MARCHF1: variants seen among roughly 807,000 people sequenced by gnomAD.
MARCHF1 encodes the protein E3 ubiquitin-protein ligase MARCHF1.
MARCHF1 carries 40 observed loss-of-function variants against 54.2 expected under a neutral mutation model. That is an observed-to-expected ratio of 0.74 (90% CI 0.57 to 0.96). MARCHF1 has a LOEUF of 0.96. Among genes scored for constraint, MARCHF1 ranks in the 40% least tolerant of loss-of-function variants. The pLI, the probability that MARCHF1 is intolerant of heterozygous loss-of-function variation, is 0.00. For missense variants in MARCHF1, 586 were observed against 656.5 expected, an observed-to-expected ratio of 0.89 and a Z score of 1.17; for synonymous variants, 236 against 236.3, an observed-to-expected ratio of 1.00 and a Z score of 0.01.
chr4:163,853,315 C>G (rs1749688987), intron 4 of MARCHF1, among the ~76,000 whole-genome samples: 1 of 152,108 alleles, frequency 6.6e-6, no homozygotes, highest in South Asian at 2.1e-4. Context: ...TAAAATATAT[C>G]TAATATTAGT....
intron 1 of MARCHF1, among the ~76,000 whole-genome samples, chr4:164,116,631 C>A (rs1755944602): frequency 6.6e-6 from 1 of 151,970 alleles, no homozygotes; most frequent in Admixed American, 6.6e-5. Context: ...ATTTTAAATT[C>A]TCAGCTTCTT....
At chr4:164,260,039 G>T (rs534561086) in intron 1 of MARCHF1, among the ~76,000 whole-genome samples, 1 of 152,020 alleles carries the variant, frequency 6.6e-6, no homozygotes, top group Non-Finnish European at 1.5e-5. Context: ...ACATATAACC[G>T]GGGTGAGAAT....
intron 5 of MARCHF1, among the ~76,000 whole-genome samples, chr4:163,632,285 G>C (rs1228301604): frequency 1.3e-5 from 2 of 152,206 alleles, no homozygotes; most frequent in African/African-American, 4.8e-5. Flanking sequence ...ACAGCTCCCA[G>C]CCTGAGCGAC....
chr4:163,809,204 A>G (rs529594154), intron 4 of MARCHF1, among the ~76,000 whole-genome samples: 394 of 152,312 alleles, frequency 2.6e-3, no homozygotes, highest in Admixed American at 4.6e-3. Context: ...ATTCCCTGGG[A>G]AGTTTTAAAC....
intron 4 of MARCHF1, among the ~76,000 whole-genome samples, chr4:163,739,889 T>A (rs1182060377): frequency 6.6e-6 from 1 of 152,186 alleles, no homozygotes; most frequent in Non-Finnish European, 1.5e-5. Context: ...ATTACACACC[T>A]TACAGTGGAG....
intron 4 of MARCHF1, among the ~76,000 whole-genome samples, chr4:163,720,297 T>A (rs1745403912): frequency 6.6e-6 from 1 of 152,230 alleles, no homozygotes; most frequent in Non-Finnish European, 1.5e-5. Context: ...CCTTTCCCCA[T>A]TTCTTGTTTT....
intron 3 of MARCHF1, among the ~76,000 whole-genome samples, chr4:163,931,820 C>A (rs1751684144): frequency 6.6e-6 from 1 of 152,192 alleles, no homozygotes. Context: ...CTCCCTCAGT[C>A]TACAGCACAC....
At chr4:164,109,912 TAA>T (rs57433858) in intron 2 of MARCHF1, among the ~76,000 whole-genome samples, 2 of 63,144 alleles carry the variant, frequency 3.2e-5, no homozygotes, top group Non-Finnish European at 5.4e-5. Context: ...AAAATAAAAG[TAA>T]AAAAAAAAAA....
In MARCHF1 at chr4:163,663,197, C is replaced by T. The variant is rs1022424346; in HGVS notation, c.162+37616G>A. On this transcript the variant is annotated intron_variant, in intron 5 of 9. Transcript: ENST00000514618. Reference sequence around the variant, plus strand: ...TATTTTTTCCTAGTGGATGCTTACACAGAGACTATAGTATTTTAAATCATC... The same window carrying T: ...TATTTTTTCCTAGTGGATGCTTACATAGAGACTATAGTATTTTAAATCATC... Among the ~76,000 whole-genome samples the T allele has an allele frequency of 5.3e-5, 8 of 151,160 alleles. No individual in the cohort carries two copies. In the East Asian group the frequency reaches 1.6e-3, roughly 29 times the overall value.
rs750136258 is a variant in MARCHF1 at position 163,613,047 on chromosome 4, AGC to A, written c.243-11_243-10del. 6.8e-7 allele frequency: 1 copy of A among 1,465,822 alleles called. No individual in the cohort carries two copies. Among genetic ancestry groups the A allele is most frequent in the South Asian group, 1.4e-5 (1 of 70,660 alleles). 90.8% of individuals were successfully genotyped at this position (1,465,822 alleles called of 1,614,324 possible). A position where few individuals can be genotyped will look rare whatever the true frequency, so the allele number is the denominator to read the frequency against. On this transcript the variant is annotated splice_polypyrimidine_tract_variant and intron_variant, in intron 6 of 9. Coordinates refer to ENST00000514618, the MANE Select transcript of MARCHF1 (RefSeq NM_001394959.1). ...CATGCAAGATGGCAGATCTAGACAG[AGC>A]AGCAGGCAAAGGATGGGAAATGGGA... is the stretch of plus-strand genomic sequence containing the variant.
At chr4:164,342,208 T>C (rs1362128191) in intron 1 of MARCHF1, among the ~76,000 whole-genome samples, 2 of 152,178 alleles carry the variant, frequency 1.3e-5, no homozygotes, top group Non-Finnish European at 2.9e-5. Flanking sequence ...TAAAAGATGT[T>C]CAACATCACT....
chr4:163,927,877 G>A (rs191479931), intron 3 of MARCHF1, among the ~76,000 whole-genome samples: 7 of 151,896 alleles, frequency 4.6e-5, no homozygotes, highest in Non-Finnish European at 7.4e-5. Flanking sequence ...AGCTTCATGA[G>A]CAAGGGGATC....
intron 1 of MARCHF1, among the ~76,000 whole-genome samples, chr4:164,367,722 T>G (rs1297436389): frequency 2.1e-4 from 8 of 38,198 alleles, no homozygotes; most frequent in African/African-American, 4.8e-4. Flanking sequence ...AAAATTAGGT[T>G]GTTTTTATTT....
chr4:163,843,787 A>ACGTGG, intron 4 of MARCHF1, among the ~76,000 whole-genome samples: 1 of 147,612 alleles, frequency 6.8e-6, no homozygotes, highest in African/African-American at 2.5e-5. Context: ...GAGAATATCT[A>ACGTGG]TTTTTTTTTT....
chr4:164,350,945 A>G (rs1730294906), intron 1 of MARCHF1, among the ~76,000 whole-genome samples: 2 of 152,192 alleles, frequency 1.3e-5, no homozygotes, highest in Admixed American at 6.5e-5. Flanking sequence ...GCATTGCCTC[A>G]CCTGGGAAGC....
intron 1 of MARCHF1, among the ~76,000 whole-genome samples, chr4:164,136,054 A>T (rs781327592): frequency 1.8e-4 from 28 of 151,938 alleles, no homozygotes; most frequent in Non-Finnish European, 4.0e-4. Flanking sequence ...TTATACACAT[A>T]TTTTTTTCAA....
intron 4 of MARCHF1, among the ~76,000 whole-genome samples, chr4:163,717,108 T>C (rs1745286000): frequency 6.6e-6 from 1 of 150,534 alleles, no homozygotes; most frequent in African/African-American, 2.4e-5. Context: ...AACTCGTCAT[T>C]TAGCATTAGG....
chr4:163,913,817 G>A (rs1260606910), intron 3 of MARCHF1, among the ~76,000 whole-genome samples: 1 of 152,226 alleles, frequency 6.6e-6, no homozygotes, highest in Middle Eastern at 3.4e-3. Flanking sequence ...ATCACAGTCT[G>A]CACACACAAA....
intron 5 of MARCHF1, among the ~76,000 whole-genome samples, chr4:163,618,739 A>G (rs1484254447): frequency 1.3e-5 from 2 of 152,178 alleles, no homozygotes. Context: ...GGTTTATTAC[A>G]TGATAGATAA....
Sources: allele counts gnomAD v4.1 joint callset (sites outside exome capture counted in the v4.1 genomes callset), GRCh38; gene constraint gnomAD v4.1.1; transcripts MANE v1.5; gene names NCBI Gene and HGNC (gene_info 2026-07-23, HGNC 2026-07-21).